Variants in LRP1B observed in about 807,000 individuals in gnomAD.
The protein encoded by LRP1B is low-density lipoprotein receptor-related protein 1B.
A neutral mutation model predicts 556.6 loss-of-function variants in LRP1B; 217 were observed. The observed-to-expected ratio is 0.39, with a 90% confidence interval of 0.35 to 0.44. LRP1B has a LOEUF of 0.44. Ranked by LOEUF, LRP1B falls within the 20% of genes least tolerant of loss-of-function variation. LRP1B has a pLI of 1.00. For synonymous variants in LRP1B, 2,047 were observed against 1,865.8 expected, an observed-to-expected ratio of 1.10 and a Z score of -2.50; for missense variants, 5,053 against 5,620.8, an observed-to-expected ratio of 0.90 and a Z score of 3.23.
chr2:141,924,795 G>A (rs1700289918), intron 1 of LRP1B, among the ~76,000 whole-genome samples: 1 of 152,150 alleles, frequency 6.6e-6, no homozygotes, highest in South Asian at 2.1e-4. Context: ...TGTTAAGGCA[G>A]CTTCTTTTAA....
chr2:140,275,612 C>G (rs984107956), intron 84 of LRP1B, among the ~76,000 whole-genome samples: 1 of 151,940 alleles, frequency 6.6e-6, no homozygotes, highest in Admixed American at 6.6e-5. Flanking sequence ...GAGCAAACAA[C>G]GAGTTATGCC....
chr2:140,297,348 G>C (rs1038433233), intron 84 of LRP1B, among the ~76,000 whole-genome samples: 1 of 152,138 alleles, frequency 6.6e-6, no homozygotes, highest in African/African-American at 2.4e-5. Context: ...AGGGGAGTGG[G>C]AGAGTCAATG....
intron 35 of LRP1B, among the ~76,000 whole-genome samples, chr2:140,746,557 G>A (rs1331460720): frequency 1.3e-5 from 2 of 152,122 alleles, no homozygotes; most frequent in African/African-American, 2.4e-5. Context: ...TGATAAGCTA[G>A]AAATGATGCA....
intron 1 of LRP1B, among the ~76,000 whole-genome samples, chr2:142,105,969 A>C (rs1706732219): frequency 6.6e-6 from 1 of 152,106 alleles, no homozygotes; most frequent in Non-Finnish European, 1.5e-5. Flanking sequence ...TTTCATCTCT[A>C]CTTTTCTTAC....
intron 41 of LRP1B, among the ~76,000 whole-genome samples, chr2:140,620,729 CAT>C (rs1559010894): frequency 2.0e-5 from 3 of 151,882 alleles, no homozygotes; most frequent in Non-Finnish European, 4.4e-5. Context: ...TAAATATTTA[CAT>C]GTTATAAGTT....
intron 3 of LRP1B, among the ~76,000 whole-genome samples, chr2:141,402,177 G>T (rs948368963): frequency 6.6e-6 from 1 of 151,984 alleles, no homozygotes; most frequent in African/African-American, 2.4e-5. Context: ...ATCAAATAAG[G>T]TTGGCCTCAT....
intron 3 of LRP1B, among the ~76,000 whole-genome samples, chr2:141,361,253 C>T (rs1358718603): frequency 6.6e-6 from 1 of 151,984 alleles, no homozygotes; most frequent in African/African-American, 2.4e-5. Flanking sequence ...TAGTTAATAC[C>T]CTTCCCATAT....
intron 2 of LRP1B, among the ~76,000 whole-genome samples, chr2:141,629,424 G>A (rs1337389281): frequency 6.6e-6 from 1 of 152,106 alleles, no homozygotes; most frequent in East Asian, 1.9e-4. Flanking sequence ...GAGCTGTTTG[G>A]TTGTCTCATT....
At chr2:140,882,186 T>C (rs1693496625) in intron 25 of LRP1B, among the ~76,000 whole-genome samples, 1 of 152,188 alleles carries the variant, frequency 6.6e-6, no homozygotes, top group Non-Finnish European at 1.5e-5. Flanking sequence ...GTCTGATAGG[T>C]AAAACCCTTA....
At position 140,334,441 on chromosome 2, in the gene LRP1B, CA is replaced by C; in HGVS notation, c.12223+11del. 1 of 1,520,956 alleles carries C rather than the reference CA, an allele frequency of 6.6e-7. No homozygotes were observed. Among genetic ancestry groups the C allele is most frequent in the Non-Finnish European group, 9.1e-7 (1 of 1,096,096 alleles). The allele number at this position is 1,520,956 out of a possible 1,614,324, so 94.2% of individuals were successfully genotyped here. On this transcript the variant is annotated intron_variant, in intron 79 of 90. Transcript: ENST00000389484. The stretch of plus-strand genomic sequence containing the variant: ...TTCTGCTTCATATTTTAGCGTGTGT[CA>C]GAAATCATACCTGTGGGTCTCTGTA...
rs3063648 is a variant in LRP1B, at chr2:140,929,756, TCACACACACA to T, written c.3137-6619_3137-6610del. On this transcript the variant is annotated intron_variant, in intron 20 of 90. Coordinates refer to ENST00000389484, the MANE Select transcript of LRP1B (RefSeq NM_018557.3). ...AAGTTTATACCACAGTCATATAGAC[TCACACACACA>T]CACACACACACACACACACACACAC... Among the ~76,000 whole-genome samples the T allele has an allele frequency of 7.0e-4, 98 of 139,322 alleles. 1 individual carries two copies. In the South Asian group the frequency reaches 0.011, roughly 15 times the overall value. 91.4% of individuals were successfully genotyped at this position (139,322 alleles called of 152,430 possible). A position where few individuals can be genotyped will look rare whatever the true frequency, so the allele number is the denominator to read the frequency against.
intron 13 of LRP1B, among the ~76,000 whole-genome samples, chr2:141,015,410 T>C (rs1697873364): frequency 6.6e-6 from 1 of 152,066 alleles, no homozygotes; most frequent in Non-Finnish European, 1.5e-5. Context: ...AGAAAACTCA[T>C]CAATAATGTA....
At chr2:141,217,079 T>TGATGTA (rs1321896578) in intron 6 of LRP1B, among the ~76,000 whole-genome samples, 1 of 152,130 alleles carries the variant, frequency 6.6e-6, no homozygotes, top group East Asian at 1.9e-4. Context: ...AGGAGAGGAA[T>TGATGTA]GATGTAGTTC....
intron 2 of LRP1B, among the ~76,000 whole-genome samples, chr2:141,651,068 A>C (rs1375711995): frequency 6.6e-6 from 1 of 152,182 alleles, no homozygotes; most frequent in Non-Finnish European, 1.5e-5. Context: ...AAAGGAAGCT[A>C]AAGTGAGATT....
chr2:141,376,035 G>T (rs1319807663), intron 3 of LRP1B, among the ~76,000 whole-genome samples: 1 of 152,142 alleles, frequency 6.6e-6, no homozygotes, highest in African/African-American at 2.4e-5. Context: ...CCATAGTAGG[G>T]CAGTAAGGAC....
intron 32 of LRP1B, among the ~76,000 whole-genome samples, chr2:140,786,708 A>G (rs748898741): frequency 2.0e-5 from 3 of 152,266 alleles, no homozygotes; most frequent in Non-Finnish European, 4.4e-5. Context: ...GTGACCTTGA[A>G]CTGACAGATA....
chr2:141,173,664 G>A (rs1293825869), intron 7 of LRP1B, among the ~76,000 whole-genome samples: 1 of 151,978 alleles, frequency 6.6e-6, no homozygotes. Context: ...ACTTGGTGTG[G>A]GTAGGAATCT....
intron 35 of LRP1B, among the ~76,000 whole-genome samples, chr2:140,766,373 A>G (rs557907800): frequency 1.8e-4 from 28 of 152,160 alleles, no homozygotes; most frequent in African/African-American, 6.0e-4. Context: ...CAAGCTGCTG[A>G]CACTTATTCT....
At chr2:140,732,499 T>C (rs1687812699) in intron 35 of LRP1B, among the ~76,000 whole-genome samples, 1 of 152,096 alleles carries the variant, frequency 6.6e-6, no homozygotes, top group Admixed American at 6.6e-5. Flanking sequence ...AAAAAAAGTA[T>C]TCACATGAGC....
Sources: gnomAD v4.1 joint callset for allele counts (sites outside exome capture counted in the v4.1 genomes callset) on GRCh38, gnomAD v4.1.1 for gene constraint, MANE v1.5 for transcripts, NCBI Gene and HGNC (gene_info 2026-07-23, HGNC 2026-07-21) for gene names.